CYP4X1: variants seen among roughly 807,000 people sequenced by gnomAD.
CYP4X1 encodes the protein cytochrome P450 family 4 subfamily X member 1.
CYP4X1 carries 44 observed loss-of-function variants against 57.9 expected under a neutral mutation model. The ratio of observed to expected loss-of-function variants is 0.76; its 90% CI spans 0.60 to 0.98. The LOEUF is 0.98. Among genes scored for constraint, CYP4X1 ranks in the 50% least tolerant of loss-of-function variants. CYP4X1 has a pLI of 0.00. For synonymous variants in CYP4X1, 227 were observed against 228.6 expected (o/e 0.99, Z 0.06); for missense variants, 532 against 623.9 (o/e 0.85, Z 1.57).
the CYP4X1 span, among the ~76,000 whole-genome samples, chr1:46,995,038 T>C: frequency 6.6e-6 from 1 of 152,170 alleles, no homozygotes; most frequent in African/African-American, 2.4e-5. Flanking sequence ...CAGGTGCCTC[T>C]GAAATATTAC....
chr1:47,004,495 G>A, the CYP4X1 span, among the ~76,000 whole-genome samples: 1 of 152,158 alleles, frequency 6.6e-6, no homozygotes, highest in African/African-American at 2.4e-5. Context: ...TAAACCCAGA[G>A]GCAACTGCAG....
At chr1:46,967,433 C>A in the CYP4X1 span, among the ~76,000 whole-genome samples, 3 of 151,894 alleles carry the variant, frequency 2.0e-5, no homozygotes, top group African/African-American at 7.3e-5. Context: ...GGCTGGAGGG[C>A]AGGCAGGAGA....
chr1:47,009,177 T>G, the CYP4X1 span, among the ~76,000 whole-genome samples: 1 of 151,416 alleles, frequency 6.6e-6, no homozygotes, highest in African/African-American at 2.4e-5. Context: ...AGTAAAGCAC[T>G]CCTCAAAAAG....
At chr1:47,008,068 G>C in the CYP4X1 span, among the ~76,000 whole-genome samples, 1 of 152,138 alleles carries the variant, frequency 6.6e-6, no homozygotes, top group Non-Finnish European at 1.5e-5. Context: ...AGGAAATACA[G>C]AGAATGCCAC....
At chr1:47,042,813 A>G (rs956720839) in intron 8 of CYP4X1, among the ~76,000 whole-genome samples, 4 of 152,178 alleles carry the variant, frequency 2.6e-5, no homozygotes, top group African/African-American at 9.7e-5. Context: ...GCTGAGTAGT[A>G]TTCCATAGTA....
chr1:47,011,209 G>T, the CYP4X1 span, among the ~76,000 whole-genome samples: 2 of 152,206 alleles, frequency 1.3e-5, no homozygotes, highest in African/African-American at 4.8e-5. Context: ...CCAAAACAGA[G>T]ATATAGACCA....
At chr1:47,025,909 G>C (rs1166992665) in intron 1 of CYP4X1, among the ~76,000 whole-genome samples, 1 of 152,148 alleles carries the variant, frequency 6.6e-6, no homozygotes, top group East Asian at 1.9e-4. Flanking sequence ...TATCTCTACT[G>C]TCTCATGAAT....
the CYP4X1 span, among the ~76,000 whole-genome samples, chr1:46,978,162 T>C: frequency 1.3e-5 from 2 of 152,060 alleles, no homozygotes; most frequent in Non-Finnish European, 2.9e-5. Flanking sequence ...AATGCTCCAA[T>C]TAAAAGACAC....
chr1:47,033,388 G>A lies in CYP4X1; in HGVS notation c.492+20G>A. 1 of 1,613,238 alleles carries A rather than the reference G, an allele frequency of 6.2e-7. No homozygotes were observed. Among genetic ancestry groups the A allele is most frequent in the East Asian group, 2.2e-5 (1 of 44,868 alleles). On this transcript the variant is annotated intron_variant, in intron 4 of 11. Transcript: ENST00000371901. ...ATGCTGGTAAGTAAAGGGGGAAAGT[G>A]CTCTGTGCATTGCGAAATGCTCCCA...
the CYP4X1 span, chr1:47,003,037 G>A: frequency 2.8e-4 from 42 of 152,248 alleles, no homozygotes; most frequent in Admixed American, 2.7e-3. Flanking sequence ...TCATATAATA[G>A]GAAGTGAACT....
At chr1:47,046,340 T>G (rs1644300776) in intron 8 of CYP4X1, 127 bp from the exon 9 acceptor site, 1 of 1,288,308 alleles carries the variant, frequency 7.8e-7, no homozygotes, top group African/African-American at 1.5e-5. Context: ...ATTTTAACAT[T>G]CTGTTACATA....
At chr1:46,983,461 T>C in the CYP4X1 span, among the ~76,000 whole-genome samples, 1 of 152,234 alleles carries the variant, frequency 6.6e-6, no homozygotes, top group Non-Finnish European at 1.5e-5. Context: ...GCAAGGGCAG[T>C]TCCACTGCAG....
chr1:47,044,494 G>A lies in CYP4X1; in HGVS notation c.1074-1973G>A, dbSNP rs138941542. Reference sequence around the variant, plus strand: ...GCAACAGTCATTTTTAATAGTTTTGGCTTTTAACTTTATACTAGAGATAGA... The same window carrying A: ...GCAACAGTCATTTTTAATAGTTTTGACTTTTAACTTTATACTAGAGATAGA... On this transcript the variant is annotated intron_variant, in intron 8 of 11. Coordinates refer to ENST00000371901, the MANE Select transcript of CYP4X1 (RefSeq NM_178033.2). Among the ~76,000 whole-genome samples the A allele has an allele frequency of 9.5e-4, 144 of 151,968 alleles. 1 individual carries two copies. The South Asian group carries it at 0.013, about 14-fold the overall frequency.
chr1:47,003,139 C>G, the CYP4X1 span: 1 of 152,152 alleles, frequency 6.6e-6, no homozygotes, highest in Non-Finnish European at 1.5e-5. Context: ...TGTTTTAGCT[C>G]CTGGTCTGTT....
upstream of CYP4X1, among the ~76,000 whole-genome samples, chr1:47,021,114 A>T (rs970803048): frequency 6.7e-5 from 9 of 135,248 alleles, no homozygotes; most frequent in African/African-American, 2.5e-4. Context: ...AAGAAAATTC[A>T]ATTCAGTAGA....
At chr1:46,991,637 T>G in the CYP4X1 span, among the ~76,000 whole-genome samples, 12 of 152,298 alleles carry the variant, frequency 7.9e-5, no homozygotes, top group Admixed American at 7.8e-4. Context: ...GAAAATCCAC[T>G]TAAGGCAGAG....
chr1:46,978,599 T>C, the CYP4X1 span, among the ~76,000 whole-genome samples: 1,217 of 152,176 alleles, frequency 8.0e-3, 22 homozygotes, highest in African/African-American at 0.028. Context: ...ATCCAGGACT[T>C]AAACTCAGCT....
downstream of CYP4X1, among the ~76,000 whole-genome samples, chr1:47,051,729 C>T (rs1281420935): frequency 2.0e-5 from 3 of 152,172 alleles, no homozygotes; most frequent in Non-Finnish European, 4.4e-5. Context: ...CTGGACCAGT[C>T]GTCCTGTGTG....
At chr1:46,998,762 G>A in the CYP4X1 span, among the ~76,000 whole-genome samples, 1 of 80,836 alleles carries the variant, frequency 1.2e-5, no homozygotes, top group Non-Finnish European at 2.7e-5. Context: ...ATGGTGAGAA[G>A]TAGGAGTCCA....
Sources: gnomAD v4.1 joint callset for allele counts (sites outside exome capture counted in the v4.1 genomes callset) on GRCh38, gnomAD v4.1.1 for gene constraint, MANE v1.5 for transcripts, NCBI Gene and HGNC (gene_info 2026-07-23, HGNC 2026-07-21) for gene names.